Variants in DPYD observed in about 807,000 individuals in gnomAD.
DPYD encodes dihydropyrimidine dehydrogenase [NADP(+)].
Under a neutral mutation model 116.2 loss-of-function variants are expected in DPYD, and 109 were observed. That is an observed-to-expected ratio of 0.94 (90% CI 0.80 to 1.10). The LOEUF is 1.10. DPYD is among the 50% of genes least tolerant of loss of function. DPYD has a pLI of 0.00. For synonymous variants in DPYD, 440 were observed against 432.0 expected (o/e 1.02, Z -0.23); for missense variants, 1,302 against 1,254.5 (o/e 1.04, Z -0.57).
At chr1:97,168,010 T>C (rs1480410119) in intron 20 of DPYD, among the ~76,000 whole-genome samples, 6 of 152,324 alleles carry the variant, frequency 3.9e-5, no homozygotes, top group East Asian at 3.9e-4. Flanking sequence ...TGGAGTAATG[T>C]TTTCTAGTTT....
intron 20 of DPYD, among the ~76,000 whole-genome samples, chr1:97,119,880 G>C (rs529107291): frequency 1.3e-5 from 2 of 152,182 alleles, no homozygotes; most frequent in Admixed American, 6.6e-5. Flanking sequence ...GCAGTTTAAA[G>C]ATTTAAAACA....
chr1:97,668,666 A>G (rs1281669072), intron 8 of DPYD, among the ~76,000 whole-genome samples: 1 of 152,094 alleles, frequency 6.6e-6, no homozygotes, highest in African/African-American at 2.4e-5. Context: ...GTGGAAAAAT[A>G]CCTGACTGTG....
intron 2 of DPYD, among the ~76,000 whole-genome samples, chr1:97,861,247 A>C (rs1211908643): frequency 6.6e-6 from 1 of 152,010 alleles, no homozygotes; most frequent in African/African-American, 2.4e-5. Flanking sequence ...TGATGCAGAA[A>C]CAGTAAGCTG....
intron 16 of DPYD, among the ~76,000 whole-genome samples, chr1:97,339,511 C>T (rs1438230744): frequency 6.6e-6 from 1 of 152,138 alleles, no homozygotes; most frequent in Non-Finnish European, 1.5e-5. Flanking sequence ...AATCTTTATA[C>T]CAGCCAATCA....
chr1:97,764,884 G>T (rs1054869428), intron 3 of DPYD, among the ~76,000 whole-genome samples: 6 of 152,150 alleles, frequency 3.9e-5, no homozygotes, highest in African/African-American at 1.4e-4. Flanking sequence ...TACATTCAAT[G>T]AATATTTGTT....
At chr1:97,706,385 T>C (rs1442386082) in intron 5 of DPYD, among the ~76,000 whole-genome samples, 1 of 151,988 alleles carries the variant, frequency 6.6e-6, no homozygotes, top group African/African-American at 2.4e-5. Flanking sequence ...AGTGGTACAT[T>C]TGAGTACATT....
chr1:97,793,398 A>T (rs1667410792), intron 3 of DPYD, among the ~76,000 whole-genome samples: 2 of 152,182 alleles, frequency 1.3e-5, no homozygotes, highest in South Asian at 4.1e-4. Flanking sequence ...GGTGACCTAG[A>T]ATAGCCAAAC....
intron 8 of DPYD, among the ~76,000 whole-genome samples, chr1:97,635,380 TA>T (rs1303459398): frequency 6.6e-6 from 1 of 152,102 alleles, no homozygotes. Context: ...TACCAAGAGC[TA>T]GGGGTGGCCA....
chr1:97,550,804 T>C (rs145044170), intron 11 of DPYD, among the ~76,000 whole-genome samples: 163 of 152,276 alleles, frequency 1.1e-3, no homozygotes, highest in African/African-American at 3.7e-3. Flanking sequence ...TATTTATGAA[T>C]CAAGTATAAC....
chr1:97,502,090 G>T (rs1426007575), intron 13 of DPYD, among the ~76,000 whole-genome samples: 1 of 151,890 alleles, frequency 6.6e-6, no homozygotes, highest in East Asian at 1.9e-4. Context: ...TTTTCTTTCA[G>T]AAATATTACA....
At chr1:97,437,043 C>T (rs1182460484) in intron 14 of DPYD, among the ~76,000 whole-genome samples, 1 of 151,464 alleles carries the variant, frequency 6.6e-6, no homozygotes, top group Admixed American at 6.6e-5. Flanking sequence ...TTAAAGTATA[C>T]AATAAATTAT....
intron 11 of DPYD, among the ~76,000 whole-genome samples, chr1:97,569,727 CAATT>C (rs1652769080): frequency 6.6e-6 from 1 of 151,842 alleles, no homozygotes; most frequent in Non-Finnish European, 1.5e-5. Context: ...GACGTTATAT[CAATT>C]GAGTCAGAAA....
At position 97,714,473 on chromosome 1, in the gene DPYD, T is replaced by C. The variant is rs927541556; in HGVS notation, c.483+7037A>G. ...ATCCGCCTGCCTCGGCCTCCCAAAA[T>C]GCTAGGATTAAAGGCATGACCCACC... On this transcript the variant is annotated intron_variant, in intron 5 of 22. Coordinates refer to ENST00000370192, the MANE Select transcript of DPYD (RefSeq NM_000110.4). Among the ~76,000 whole-genome samples, 9 of 152,024 alleles carry C rather than the reference T, an allele frequency of 5.9e-5. No individual in the cohort carries two copies. In the South Asian group the frequency reaches 1.9e-3, roughly 32 times the overall value.
At chr1:97,089,259 T>C (rs1384944503) in intron 21 of DPYD, among the ~76,000 whole-genome samples, 1 of 152,200 alleles carries the variant, frequency 6.6e-6, no homozygotes, top group African/African-American at 2.4e-5. Flanking sequence ...TTCATTCTCA[T>C]ATATATCAAC....
At chr1:97,162,323 T>C (rs987169869) in intron 20 of DPYD, among the ~76,000 whole-genome samples, 6 of 152,160 alleles carry the variant, frequency 3.9e-5, no homozygotes, top group Non-Finnish European at 7.4e-5. Context: ...TGATGCATTC[T>C]TATACACCAA....
chr1:97,086,967 G>A (rs958267470), intron 21 of DPYD, among the ~76,000 whole-genome samples: 4 of 152,184 alleles, frequency 2.6e-5, no homozygotes, highest in African/African-American at 9.7e-5. Context: ...CATTACCAAT[G>A]TCATATCTTT....
chr1:97,569,078 A>T (rs1557805140), intron 11 of DPYD, among the ~76,000 whole-genome samples: 1 of 152,096 alleles, frequency 6.6e-6, no homozygotes, highest in Non-Finnish European at 1.5e-5. Flanking sequence ...AACAAATCAT[A>T]AAATTATGTC....
intron 2 of DPYD, among the ~76,000 whole-genome samples, chr1:97,882,302 A>G (rs929014111): frequency 1.3e-5 from 2 of 151,824 alleles, no homozygotes; most frequent in Admixed American, 1.3e-4. Flanking sequence ...TTCTTTTTTC[A>G]TTCAAAAAAA....
chr1:97,268,161 T>A (rs827499), intron 18 of DPYD, among the ~76,000 whole-genome samples: 5,451 of 152,256 alleles, frequency 0.036, 345 homozygotes, highest in African/African-American at 0.12. Flanking sequence ...ATGTCCCACC[T>A]CCTGGACACA....
Sources: gnomAD v4.1 joint callset for allele counts (sites outside exome capture counted in the v4.1 genomes callset) on GRCh38, gnomAD v4.1.1 for gene constraint, MANE v1.5 for transcripts, NCBI Gene and HGNC (gene_info 2026-07-23, HGNC 2026-07-21) for gene names.